Variants in BBS9 observed in about 807,000 individuals in gnomAD.
BBS9 encodes the protein Bardet-Biedl syndrome 9, also known as protein PTHB1.
Under a neutral mutation model 117.7 loss-of-function variants are expected in BBS9, and 89 were observed. That is an observed-to-expected ratio of 0.76 (90% CI 0.64 to 0.90). BBS9 has a LOEUF of 0.90. Among genes scored for constraint, BBS9 ranks in the 40% least tolerant of loss-of-function variants. BBS9 has a pLI of 0.00. For missense variants in BBS9, 982 were observed against 1,042.2 expected (o/e 0.94, Z 0.80); for synonymous variants, 379 against 370.9 (o/e 1.02, Z -0.25).
intron 5 of BBS9, among the ~76,000 whole-genome samples, chr7:33,239,835 A>C (rs1171663865): frequency 1.3e-5 from 2 of 151,908 alleles, no homozygotes; most frequent in Non-Finnish European, 2.9e-5. Context: ...TGTAGACCCC[A>C]TCTCTAAAAA....
At chr7:33,203,966 G>A (rs1448424730) in intron 5 of BBS9, among the ~76,000 whole-genome samples, 5 of 149,722 alleles carry the variant, frequency 3.3e-5, no homozygotes, top group Admixed American at 1.3e-4. Context: ...CAGGTAATCC[G>A]CCCGCCTCGG....
At chr7:33,492,861 T>C (rs960607181) in intron 19 of BBS9, among the ~76,000 whole-genome samples, 7 of 149,548 alleles carry the variant, frequency 4.7e-5, no homozygotes, top group African/African-American at 1.7e-4. Context: ...TGTGTATGTG[T>C]TGAAGGGTAC....
At chr7:33,181,299 A>C (rs1241958721) in intron 5 of BBS9, among the ~76,000 whole-genome samples, 1 of 152,162 alleles carries the variant, frequency 6.6e-6, no homozygotes, top group Non-Finnish European at 1.5e-5. Context: ...GCCCTAGCAT[A>C]CCTCTAGAGA....
At chr7:33,444,761 T>C (rs1467344322) in intron 19 of BBS9, among the ~76,000 whole-genome samples, 1 of 152,194 alleles carries the variant, frequency 6.6e-6, no homozygotes, top group Non-Finnish European at 1.5e-5. Flanking sequence ...TGCTTTTTAT[T>C]CTAGGAGCTC....
chr7:33,376,065 C>A (rs1318919191), intron 17 of BBS9, among the ~76,000 whole-genome samples: 1 of 151,906 alleles, frequency 6.6e-6, no homozygotes, highest in African/African-American at 2.4e-5. Context: ...GGTACATGTG[C>A]AGGTTTGTTA....
chr7:33,340,594 A>G (rs1254511342), intron 10 of BBS9, among the ~76,000 whole-genome samples: 2 of 152,142 alleles, frequency 1.3e-5, no homozygotes, highest in African/African-American at 4.8e-5. Context: ...TTACCTTCAC[A>G]AGGGCTGTAC....
rs76271622 is a variant in BBS9 at position 33,201,301 on chromosome 7, T to A, written c.442+23710T>A. ...TGTTTAGTTCACCCTCTTCAGAATA[T>A]GTGCTTTCTGTTTCCTATGGAGGAA... On this transcript the variant is annotated intron_variant, in intron 5 of 22. Transcript: ENST00000242067. Among the ~76,000 whole-genome samples, 38 of 152,322 alleles carry A rather than the reference T, an allele frequency of 2.5e-4. No homozygotes were observed. The East Asian group carries it at 7.3e-3, about 29-fold the overall frequency.
intron 21 of BBS9, among the ~76,000 whole-genome samples, chr7:33,597,677 C>CA (rs140418894): frequency 0.039 from 5,690 of 146,786 alleles, 257 homozygotes; most frequent in African/African-American, 0.11. Flanking sequence ...GATCTTCCTG[C>CA]AAAAAAAAAA....
chr7:33,297,308 A>G lies in BBS9; in HGVS notation c.1016+23352A>G, dbSNP rs146819510. Among the ~76,000 whole-genome samples the G allele has an allele frequency of 7.9e-5, 12 of 152,316 alleles. No homozygotes were observed. In the East Asian group the frequency reaches 2.3e-3, roughly 29 times the overall value. ...TCTATTCAATGAATACCACTGTTCTAAATACATAAAACTGTAAACCATTGC... is the reference window on the plus strand; with the variant it reads ...TCTATTCAATGAATACCACTGTTCTGAATACATAAAACTGTAAACCATTGC... On this transcript the variant is annotated intron_variant, in intron 9 of 22. Coordinates refer to ENST00000242067, the MANE Select transcript of BBS9 (RefSeq NM_198428.3).
At chr7:33,457,121 G>T (rs1838767320) in intron 19 of BBS9, among the ~76,000 whole-genome samples, 1 of 152,102 alleles carries the variant, frequency 6.6e-6, no homozygotes, top group Non-Finnish European at 1.5e-5. Flanking sequence ...TTACCCTTTT[G>T]CCCTCTTCTC....
chr7:33,222,432 A>G (rs1248244731), intron 5 of BBS9, among the ~76,000 whole-genome samples: 1 of 152,132 alleles, frequency 6.6e-6, no homozygotes, highest in African/African-American at 2.4e-5. Context: ...TAACATAGGA[A>G]ATGAAGGAAG....
rs976567513 is a variant in BBS9, at chr7:33,177,471, T to A, written c.329-7T>A. The A allele has an allele frequency of 6.3e-7, 1 of 1,578,424 alleles. No homozygotes were observed. The highest frequency in any genetic ancestry group is 1.7e-5 in the Admixed American group (1 of 59,822). ...ATACAAAGTAATCCTTTTTTTTTTTTCCTTAGGAACCTTGGGTAATGTGGA... is the reference window on the plus strand; with the variant it reads ...ATACAAAGTAATCCTTTTTTTTTTTACCTTAGGAACCTTGGGTAATGTGGA... On this transcript the variant is annotated splice_region_variant and splice_polypyrimidine_tract_variant and intron_variant, in intron 4 of 22. Coordinates refer to ENST00000242067, the MANE Select transcript of BBS9 (RefSeq NM_198428.3).
chr7:33,505,705 A>G (rs1179622855), intron 20 of BBS9, 60 bp downstream of exon 20: 1 of 1,549,504 alleles, frequency 6.5e-7, no homozygotes, highest in Non-Finnish European at 8.8e-7. Context: ...CGGCTTTAGG[A>G]AGATATCACA....
chr7:33,268,484 C>A (rs775717323), intron 7 of BBS9, among the ~76,000 whole-genome samples: 1 of 152,174 alleles, frequency 6.6e-6, no homozygotes, highest in African/African-American at 2.4e-5. Flanking sequence ...CCACTCACCT[C>A]GTTTGTTTTC....
In BBS9 at chr7:33,273,129, A is replaced by G; in HGVS notation, c.820A>G (p.Asn274Asp). The change falls in exon 8 of 23, where the codon AAT becomes GAT. Residue 274 changes from asparagine to aspartate, a missense_variant. Coordinates refer to ENST00000242067, the MANE Select transcript of BBS9 (RefSeq NM_198428.3). Reference protein sequence around the residue: ...GERNFFCLKDNGQIRFMKKLD... With the variant: ...GERNFFCLKDDGQIRFMKKLD... ...GAGAAACTTTTTTTGCCTTAAGGAT[A>G]ATGGACAAATTCGATTCATGAAGAA... 6.2e-7 allele frequency: 1 copy of G among 1,613,712 alleles called. No homozygotes were observed. The highest frequency in any genetic ancestry group is 8.5e-7 in the Non-Finnish European group (1 of 1,179,774).
chr7:33,156,959 G>T (rs1304441970), intron 4 of BBS9, among the ~76,000 whole-genome samples: 1 of 152,036 alleles, frequency 6.6e-6, no homozygotes, highest in African/African-American at 2.4e-5. Context: ...GGATCTAGTT[G>T]TTCTTCTGTT....
intron 17 of BBS9, among the ~76,000 whole-genome samples, chr7:33,379,593 C>T (rs1455191033): frequency 6.6e-6 from 1 of 152,008 alleles, no homozygotes; most frequent in South Asian, 2.1e-4. Context: ...GACAGTAAAT[C>T]GTATGCTAAA....
chr7:33,452,330 G>A lies in BBS9; in HGVS notation c.2116-53133G>A, dbSNP rs1838005917. ...CTTATAGAATTGAGTTCATTTCCAA[G>A]TTTGTCCTTCCACAATGACACTCTC... On this transcript the variant is annotated intron_variant, in intron 19 of 22. Transcript: ENST00000242067. Among the ~76,000 whole-genome samples the A allele has an allele frequency of 2.0e-5, 3 of 151,764 alleles. No individual in the cohort carries two copies. The South Asian group carries it at 6.3e-4, about 32-fold the overall frequency.
intron 5 of BBS9, among the ~76,000 whole-genome samples, chr7:33,239,873 G>A (rs746321711): frequency 6.6e-6 from 1 of 152,078 alleles, no homozygotes; most frequent in South Asian, 2.1e-4. Context: ...AGGCATGGTG[G>A]TGCTGCACAC....
Sources: allele counts gnomAD v4.1 joint callset (sites outside exome capture counted in the v4.1 genomes callset), GRCh38; gene constraint gnomAD v4.1.1; transcripts MANE v1.5; gene names NCBI Gene and HGNC (gene_info 2026-07-23, HGNC 2026-07-21).